Variants in KLF16 observed in about 807,000 individuals in gnomAD.
The protein encoded by KLF16 is KLF transcription factor 16.
KLF16 carries 6 observed loss-of-function variants against 6.1 expected under a neutral mutation model. The observed-to-expected ratio is 0.98, with a 90% confidence interval of 0.54 to 1.93. The LOEUF (loss-of-function observed/expected upper bound fraction) is 1.93. Ranked by LOEUF, KLF16 falls within the 30% of genes most tolerant of loss-of-function variation. The pLI, the probability that KLF16 is intolerant of heterozygous loss-of-function variation, is 0.01. For synonymous variants in KLF16, 211 were observed against 176.5 expected (o/e 1.20, Z -1.55); for missense variants, 355 against 363.8 (o/e 0.98, Z 0.20).
At chr19:1,875,206 A>C in the KLF16 span, 4 of 152,212 alleles carry the variant, frequency 2.6e-5, no homozygotes, top group Non-Finnish European at 5.9e-5. Context: ...TTGGGCAAAA[A>C]ACGGTTTGTA....
At chr19:1,854,912 A>G in intron 1 of KLF16, 152 bp from the exon 2 acceptor site, 2 of 810,276 alleles carry the variant, frequency 2.5e-6, no homozygotes, top group South Asian at 1.7e-5. Context: ...GAGAAGCACA[A>G]AGAATACAAC....
At chr19:1,872,611 G>A in the KLF16 span, among the ~76,000 whole-genome samples, 1 of 152,256 alleles carries the variant, frequency 6.6e-6, no homozygotes, top group Non-Finnish European at 1.5e-5. Context: ...GGGTGCTGGG[G>A]AGAGAATAGG....
rs2012113208 is a variant in KLF16 at position 1,863,359 on chromosome 19, G to C, written c.139C>G (p.Arg47Gly). ...GTCCCGGGTGAGGCGGCCTCGCGGC[G>C]CGCCGCGCGCACATCCAGGCCGGCG... ...PAAGLDVRAA[R>G]REAASPGTPG... Residue 47 changes from arginine (R) to glycine (G), a missense_variant, in exon 1 of 2, where the codon CGC (arginine) becomes GGC (glycine). Physicochemically the swap from Arg to Gly is moderately radical, Grantham distance 125 (BLOSUM62 -2). Transcript: ENST00000250916. 8 of 980,070 alleles carry C rather than the reference G, an allele frequency of 8.2e-6. No individual in the cohort carries two copies. The highest frequency in any genetic ancestry group is 9.7e-6 in the Non-Finnish European group (8 of 828,108). The allele number at this position is 980,070 out of a possible 1,614,324, so 60.7% of individuals were successfully genotyped here.
intron 1 of KLF16, among the ~76,000 whole-genome samples, chr19:1,862,409 G>C (rs2012084136): frequency 6.6e-6 from 1 of 152,124 alleles, no homozygotes; most frequent in Non-Finnish European, 1.5e-5. Context: ...GCCCCTCGAG[G>C]GTCCTCCAAT....
upstream of KLF16, among the ~76,000 whole-genome samples, chr19:1,868,076 A>T (rs186487608): frequency 6.6e-6 from 1 of 151,870 alleles, no homozygotes; most frequent in South Asian, 2.1e-4. Context: ...TTTTTTTACC[A>T]TGTGTATTTA....
upstream of KLF16, among the ~76,000 whole-genome samples, chr19:1,866,102 G>A (rs968200226): frequency 3.9e-5 from 6 of 151,944 alleles, no homozygotes; most frequent in Non-Finnish European, 8.8e-5. Flanking sequence ...TCAGGAGTTC[G>A]AGACTAGCCT....
chr19:1,855,782 C>T (rs2011937923), intron 1 of KLF16, among the ~76,000 whole-genome samples: 1 of 152,204 alleles, frequency 6.6e-6, no homozygotes, highest in African/African-American at 2.4e-5. Context: ...ACCCAGGGAC[C>T]GAAGCAGGAC....
chr19:1,869,258 C>T, the KLF16 span, among the ~76,000 whole-genome samples: 1 of 152,316 alleles, frequency 6.6e-6, no homozygotes. Context: ...AGGTGGATCA[C>T]TTCAGGTCAG....
chr19:1,874,746 C>CAAAAAAAAAAA, the KLF16 span: 15 of 41,996 alleles, frequency 3.6e-4, no homozygotes, highest in Non-Finnish European at 3.7e-4. Flanking sequence ...GTCAGAGTCC[C>CAAAAAAAAAAA]AAAAAAAAAA....
chr19:1,857,571 C>A lies in KLF16; in HGVS notation c.458-2811G>T, dbSNP rs2011980345. 6.6e-6 allele frequency among the ~76,000 whole-genome samples: 1 copy of A among 152,138 alleles called. No homozygotes were observed. Among genetic ancestry groups the A allele is most frequent in the Non-Finnish European group, 1.5e-5 (1 of 68,010 alleles). ...TGGCCCGGCCCCGTCTGAGCCGGCA[C>A]AGGAGGGGCCTGGAGACAGGACTGC... On this transcript the variant is annotated intron_variant, in intron 1 of 1. Coordinates refer to ENST00000250916, the MANE Select transcript of KLF16 (RefSeq NM_031918.4). This position sits in a 1 kb window ranked among gnomAD's most constrained non-coding sequence, Gnocchi z 4.7.
chr19:1,865,608 CTG>C (rs1246096457), upstream of KLF16, among the ~76,000 whole-genome samples: 1 of 152,238 alleles, frequency 6.6e-6, no homozygotes, highest in Non-Finnish European at 1.5e-5. Context: ...AGGACCTTCA[CTG>C]TGAGACTCCA....
upstream of KLF16, among the ~76,000 whole-genome samples, chr19:1,866,882 GCAGA>G (rs2145374495): frequency 6.6e-6 from 1 of 151,960 alleles, no homozygotes; most frequent in South Asian, 2.1e-4. Flanking sequence ...CTAAGAGGCA[GCAGA>G]CACTTTGGGG....
intron 1 of KLF16, among the ~76,000 whole-genome samples, chr19:1,856,950 C>CGGGGGGGGGGGGGG (rs946961126): frequency 4.6e-5 from 2 of 43,270 alleles, no homozygotes; most frequent in African/African-American, 3.9e-4. Flanking sequence ...AGCAGGTTGC[C>CGGGGGGGGGGGGGG]GGGGTGGGGG....
chr19:1,869,575 T>C, the KLF16 span, among the ~76,000 whole-genome samples: 1 of 152,218 alleles, frequency 6.6e-6, no homozygotes, highest in Non-Finnish European at 1.5e-5. Flanking sequence ...CGTGCAGCTC[T>C]TCTGTAGACC....
upstream of KLF16, among the ~76,000 whole-genome samples, chr19:1,867,968 G>A (rs561477406): frequency 5.8e-4 from 88 of 151,872 alleles, no homozygotes; most frequent in African/African-American, 1.8e-3. Context: ...GTGTGCGTGC[G>A]CGCATGCACT....
chr19:1,855,363 T>C lies in KLF16; in HGVS notation c.458-603A>G, dbSNP rs374240238. 9.7e-5 allele frequency among the ~76,000 whole-genome samples: 14 copies of C among 144,636 alleles called. No homozygotes were observed. In the East Asian group the frequency reaches 2.3e-3, roughly 24 times the overall value. 94.9% of individuals were successfully genotyped at this position (144,636 alleles called of 152,430 possible). On this transcript the variant is annotated intron_variant, in intron 1 of 1. Coordinates refer to ENST00000250916, the MANE Select transcript of KLF16 (RefSeq NM_031918.4). ...GAGGAACCCGCAGGCACAGTCAGTCTGGGCCCCGATCTCGGGGTGTGGTTA... is the reference window on the plus strand; with the variant it reads ...GAGGAACCCGCAGGCACAGTCAGTCCGGGCCCCGATCTCGGGGTGTGGTTA...
chr19:1,863,669 T>G (rs1447542675), upstream of KLF16: 3 of 153,378 alleles, frequency 2.0e-5, no homozygotes, highest in Non-Finnish European at 4.0e-5. Flanking sequence ...TGACGCGTCC[T>G]GACGCACCGG....
rs555091672 is a variant in KLF16 at position 1,863,258 on chromosome 19, G to A, written c.240C>T (p.Ala80=). The A allele has an allele frequency of 6.8e-6, 7 of 1,032,086 alleles. No individual in the cohort carries two copies. The highest frequency in any genetic ancestry group is 7.6e-5 in the East Asian group (1 of 13,150). The allele number at this position is 1,032,086 out of a possible 1,614,324, so 63.9% of individuals were successfully genotyped here. ...PGAAAAPHLL[A]ASILADLRGG... is the part of the protein sequence containing the mutation. ...CGCGCAGGTCGGCCAGGATGCTGGC[G>A]GCCAGCAGGTGGGGCGCCGCGGCGG... Residue 80 remains alanine (A), a synonymous_variant, in exon 1 of 2, where the codon GCC becomes GCT. Coordinates refer to ENST00000250916, the MANE Select transcript of KLF16 (RefSeq NM_031918.4).
upstream of KLF16, among the ~76,000 whole-genome samples, chr19:1,868,474 T>A (rs1308827914): frequency 1.3e-4 from 6 of 45,916 alleles, no homozygotes; most frequent in African/African-American, 2.2e-4. Context: ...TTTTTTTTTT[T>A]TTTTTTTTTT....
Sources: allele counts gnomAD v4.1 joint callset (sites outside exome capture counted in the v4.1 genomes callset), GRCh38; gene constraint gnomAD v4.1.1; non-coding constraint Gnocchi (gnomAD v3.1); transcripts MANE v1.5; gene names NCBI Gene and HGNC (gene_info 2026-07-23, HGNC 2026-07-21).